MED16: variants seen among roughly 807,000 people sequenced by gnomAD.
MED16 encodes the protein mediator of RNA polymerase II transcription subunit 16.
Under a neutral mutation model 84.4 loss-of-function variants are expected in MED16, and 81 were observed. That is an observed-to-expected ratio of 0.96 (90% CI 0.80 to 1.15). The LOEUF is 1.15. MED16 is among the 50% of genes most tolerant of loss of function. The pLI is 0.00. For synonymous variants in MED16, 897 were observed against 552.2 expected (o/e 1.62, Z -8.76); for missense variants, 1,585 against 1,245.9 (o/e 1.27, Z -4.10).
At chr19:884,781 A>G in intron 6 of MED16, 122 bp downstream of exon 6, 1 of 715,098 alleles carries the variant, frequency 1.4e-6, no homozygotes, top group South Asian at 1.6e-5. Context: ...TCGAGGCGAG[A>G]CGATCGCTTA....
chr19:882,111 G>A (rs184187263), intron 6 of MED16, among the ~76,000 whole-genome samples: 68 of 152,372 alleles, frequency 4.5e-4, no homozygotes, highest in Non-Finnish European at 7.9e-4. Flanking sequence ...AAAGCCATGC[G>A]GGATGGTCGC....
At chr19:889,582 G>A (rs1200368047) in intron 4 of MED16, 56 bp downstream of exon 4, 3 of 1,546,678 alleles carry the variant, frequency 1.9e-6, no homozygotes, top group Admixed American at 1.8e-5. Context: ...CTGGCGGGTG[G>A]CTGGGTAGGG....
At chr19:872,203 G>T (rs904091572) in intron 11 of MED16, 85 bp from the exon 12 acceptor site, 2 of 1,189,916 alleles carry the variant, frequency 1.7e-6, no homozygotes, top group South Asian at 2.9e-5. Context: ...GTGGAACCCC[G>T]ACCGGGGGGC....
intron 9 of MED16, among the ~76,000 whole-genome samples, chr19:876,433 T>G (rs1462029735): frequency 7.2e-5 from 11 of 152,108 alleles, no homozygotes; most frequent in Non-Finnish European, 1.6e-4. Context: ...TGCATCCTGG[T>G]ACCCATCACA....
chr19:876,142 T>G (rs2036223762), intron 9 of MED16, among the ~76,000 whole-genome samples: 2 of 152,062 alleles, frequency 1.3e-5, no homozygotes, highest in African/African-American at 4.8e-5. Flanking sequence ...TGGGATTTTT[T>G]TTTTCCCATT....
chr19:885,518 T>C (rs1297569459), intron 5 of MED16, among the ~76,000 whole-genome samples: 2 of 151,842 alleles, frequency 1.3e-5, no homozygotes, highest in African/African-American at 4.8e-5. Context: ...GAGGTTGAGA[T>C]TCAGAGACAG....
chr19:890,275 T>G (rs2036607654), intron 2 of MED16, 31 bp from the exon 3 acceptor site: 2 of 1,422,330 alleles, frequency 1.4e-6, no homozygotes, highest in African/African-American at 1.4e-5. Context: ...CAGCACGGCC[T>G]GGCACCACAG....
rs1419563269 is a variant in MED16, at chr19:884,384, G to A, written c.985+519C>T. On this transcript the variant is annotated intron_variant, in intron 6 of 15. Coordinates refer to ENST00000325464, the MANE Select transcript of MED16 (RefSeq NM_005481.3). Reference sequence around the variant, plus strand: ...GGGGCCCATCGGGCGGATAGAGATGGGAATGGGGGCCCCAGAAGAGGCTGC... The same window carrying A: ...GGGGCCCATCGGGCGGATAGAGATGAGAATGGGGGCCCCAGAAGAGGCTGC... Among the ~76,000 whole-genome samples, 2 of 152,124 alleles carry A rather than the reference G, an allele frequency of 1.3e-5. 1 individual carries two copies. Among genetic ancestry groups the A allele is most frequent in the Admixed American group, 1.3e-4 (2 of 15,270 alleles).
chr19:874,647 G>C (rs10424998), intron 10 of MED16, among the ~76,000 whole-genome samples: 30,861 of 152,112 alleles, frequency 0.2, 3,429 homozygotes, highest in Middle Eastern at 0.28. Flanking sequence ...GTAGAGAGAG[G>C]TGAAAGGATC....
At chr19:879,409 G>A (rs978612462) in intron 8 of MED16, among the ~76,000 whole-genome samples, 59 of 129,128 alleles carry the variant, frequency 4.6e-4, no homozygotes, top group Admixed American at 5.8e-4. Flanking sequence ...ACCTTTCCCT[G>A]GTTGTCAATG....
In MED16 at chr19:885,049, G is replaced by A. The variant is rs374639260; in HGVS notation, c.880-41C>T. The A allele has an allele frequency of 1.2e-4, 177 of 1,488,710 alleles. No individual in the cohort carries two copies. The African/African-American group carries it at 2.1e-3, about 18-fold the overall frequency. The allele number at this position is 1,488,710 out of a possible 1,614,324, so 92.2% of individuals were successfully genotyped here. A position where few individuals can be genotyped will look rare whatever the true frequency, so the allele number is the denominator to read the frequency against. On this transcript the variant is annotated intron_variant, in intron 5 of 15. Coordinates refer to ENST00000325464, the MANE Select transcript of MED16 (RefSeq NM_005481.3). ...GGGTGAGGGCTGACCCGGCACTGCT[G>A]TGGTGGCCACGCCACCACCGGAGCC...
chr19:870,371 G>A (rs970681255), intron 13 of MED16, among the ~76,000 whole-genome samples: 2 of 152,108 alleles, frequency 1.3e-5, no homozygotes, highest in African/African-American at 2.4e-5. Context: ...GACCAGCCTG[G>A]CCAACATTGC....
intron 14 of MED16, 39 bp downstream of exon 14, chr19:868,824 G>A (rs1430521948): frequency 2.6e-6 from 4 of 1,529,194 alleles, no homozygotes; most frequent in Non-Finnish European, 3.5e-6. Flanking sequence ...ATCCCCAGCG[G>A]CACATCTCTG....
chr19:880,011 G>A lies in MED16; in HGVS notation c.1279C>T (p.Pro427Ser), dbSNP rs779733947. Residue 427 changes from proline (P) to serine (S), a missense_variant, in exon 8 of 16, where the codon CCC becomes TCC. Pro to Ser is a moderately conservative substitution (Grantham distance 74). Transcript: ENST00000325464. ...PAMKRPRTAG[P>S]AVHLKAMQLS... ...TGCATAGCCTTTAAGTGGACGGCGG[G>A]GCCCGCGGTGCGGGGGCGCTTCATG... 1.2e-5 allele frequency: 20 copies of A among 1,610,182 alleles called. No homozygotes were observed. The highest frequency in any genetic ancestry group is 1.7e-4 in the Middle Eastern group (1 of 5,996).
chr19:868,619 C>T (rs567462178), intron 14 of MED16, 120 bp from the exon 15 acceptor site: 113 of 1,356,498 alleles, frequency 8.3e-5, no homozygotes, highest in Middle Eastern at 7.2e-4. Flanking sequence ...CTGCTCCCCA[C>T]GTCCCCACCT....
rs772548755 is a variant in MED16 at position 875,419 on chromosome 19, C to T, written c.1596G>A (p.Ser532=). 37 of 1,605,678 alleles carry T rather than the reference C, an allele frequency of 2.3e-5. 1 individual carries two copies. The highest frequency in any genetic ancestry group is 1.7e-4 in the African/African-American group (13 of 74,872). Reference sequence around the variant, plus strand: ...CCGTGCAGGGCGACAGCTTGCAGAGCGAGGCCTTCATGGCCAGGATCCGGG... The same window carrying T: ...CCGTGCAGGGCGACAGCTTGCAGAGTGAGGCCTTCATGGCCAGGATCCGGG... The part of the protein sequence containing the change: ...LSTRILAMKA[S]LCKLSPCTVT... The change falls in exon 10 of 16, where the codon TCG becomes TCA. Residue 532 remains serine (S), a synonymous_variant. Transcript: ENST00000325464.
chr19:869,642 C>T lies in MED16; in HGVS notation c.2316-696G>A, dbSNP rs943888314. Among the ~76,000 whole-genome samples, 5 of 152,032 alleles carry T rather than the reference C, an allele frequency of 3.3e-5. No homozygotes were observed. In the East Asian group the frequency reaches 7.7e-4, roughly 23 times the overall value. On this transcript the variant is annotated intron_variant, in intron 13 of 15. Coordinates refer to ENST00000325464, the MANE Select transcript of MED16 (RefSeq NM_005481.3). The stretch of plus-strand genomic sequence containing the variant: ...CTAGAGCCAAGCCAGGGCGCCTTCC[C>T]GGAGGTCCCGGAGCCAAGCCGGGGG...
At position 875,136 on chromosome 19, in the gene MED16, C is replaced by T. The variant is rs1443450882; in HGVS notation, c.1771+108G>A. The T allele has an allele frequency of 4.0e-6, 3 of 747,112 alleles. No homozygotes were observed. The East Asian group carries it at 9.1e-5, about 23-fold the overall frequency. The allele number at this position is 747,112 out of a possible 1,614,324, so 46.3% of individuals were successfully genotyped here. A position where few individuals can be genotyped will look rare whatever the true frequency, so the allele number is the denominator to read the frequency against. ...CTGAGATCGCACCACTGCACTCCAG[C>T]CTGGGCAACAGAGTAAGACCCTATC... On this transcript the variant is annotated intron_variant, in intron 10 of 15. Transcript: ENST00000325464.
chr19:888,721 G>C (rs2036572747), intron 4 of MED16, among the ~76,000 whole-genome samples: 2 of 152,160 alleles, frequency 1.3e-5, no homozygotes, highest in African/African-American at 4.8e-5. Context: ...CGCAGGGTGG[G>C]GAGTGCACCC....
Sources: allele counts gnomAD v4.1 joint callset (sites outside exome capture counted in the v4.1 genomes callset), GRCh38; gene constraint gnomAD v4.1.1; transcripts MANE v1.5; gene names NCBI Gene and HGNC (gene_info 2026-07-23, HGNC 2026-07-21).